LRRK2: variants seen among roughly 807,000 people sequenced by gnomAD.
The protein encoded by LRRK2 is leucine-rich repeat serine/threonine-protein kinase 2.
A neutral mutation model predicts 302.6 loss-of-function variants in LRRK2; 203 were observed. The observed-to-expected ratio is 0.67, with a 90% CI of 0.60 to 0.75. The LOEUF is 0.75. Among genes scored for constraint, LRRK2 ranks in the 30% least tolerant of loss-of-function variants. The pLI, the probability that LRRK2 is intolerant of heterozygous loss-of-function variation, is 0.00. For synonymous variants in LRRK2, 1,066 were observed against 1,031.9 expected (o/e 1.03, Z -0.63); for missense variants, 2,830 against 2,951.0 (o/e 0.96, Z 0.95).
rs1169553595 is a variant in LRRK2 at position 40,328,453 on chromosome 12, TAAGAC to T, written c.5754_5757+1del. 1 of 1,598,726 alleles carries T rather than the reference TAAGAC, an allele frequency of 6.3e-7. No homozygotes were observed. The highest frequency in any genetic ancestry group is 1.7e-5 in the Admixed American group (1 of 59,948). On this transcript the variant is annotated frameshift_variant and splice_region_variant, in exon 39 of 51. Coordinates refer to ENST00000298910, the MANE Select transcript of LRRK2 (RefSeq NM_198578.4). LOFTEE classifies it high-confidence loss of function. ...AATAAACATACATCACTCAGGCTGT[TAAGAC>T]AAGTAAGAAATTCAATAATATAATT...
At chr12:40,271,729 T>G (rs1481783252) in intron 14 of LRRK2, among the ~76,000 whole-genome samples, 2 of 152,104 alleles carry the variant, frequency 1.3e-5, no homozygotes, top group African/African-American at 4.8e-5. Context: ...TTTTTAAACA[T>G]TTACTTAGCT....
At chr12:40,245,155 C>A (rs1194849670) in intron 7 of LRRK2, among the ~76,000 whole-genome samples, 1 of 151,828 alleles carries the variant, frequency 6.6e-6, no homozygotes, top group Non-Finnish European at 1.5e-5. Flanking sequence ...TTAATCTGTC[C>A]TTTCCCTAAG....
chr12:40,335,978 C>T (rs770411446), intron 40 of LRRK2, among the ~76,000 whole-genome samples: 10 of 152,198 alleles, frequency 6.6e-5, no homozygotes, highest in Non-Finnish European at 1.0e-4. Flanking sequence ...CTCTCACTAA[C>T]GTCTAAATCT....
chr12:40,344,671 A>C (rs1946140140), intron 41 of LRRK2, among the ~76,000 whole-genome samples: 1 of 152,296 alleles, frequency 6.6e-6, no homozygotes, highest in East Asian at 1.9e-4. Flanking sequence ...TGATTTGTTT[A>C]CATTATGTCA....
intron 16 of LRRK2, among the ~76,000 whole-genome samples, chr12:40,276,762 A>G (rs1261212499): frequency 1.3e-5 from 2 of 152,198 alleles, no homozygotes; most frequent in Non-Finnish European, 2.9e-5. Context: ...TGCTTATCAA[A>G]TATTAGTATT....
chr12:40,356,262 T>C (rs2137015718), intron 46 of LRRK2, 75 bp downstream of exon 46: 3 of 1,050,902 alleles, frequency 2.9e-6, no homozygotes, highest in East Asian at 2.6e-5. Context: ...ACCCCTCTTA[T>C]GGGATTATAA....
At chr12:40,364,810 T>C in intron 48 of LRRK2, 32 bp from the exon 49 acceptor site, 1 of 1,504,256 alleles carries the variant, frequency 6.6e-7, no homozygotes, top group South Asian at 1.1e-5. Flanking sequence ...TAATTGGTGG[T>C]AAAATTATTA....
In LRRK2 at chr12:40,259,595, A is replaced by T; in HGVS notation, c.1534A>T (p.Ile512Leu). 1 of 1,613,194 alleles carries T rather than the reference A, an allele frequency of 6.2e-7. No individual in the cohort carries two copies. Residue 512 changes from isoleucine (I) to leucine (L), a missense_variant, in exon 13 of 51, where the codon ATA (isoleucine) becomes TTA (leucine). Ile to Leu is a conservative substitution (Grantham distance 5). Around this residue, in one of 3 missense-constraint regions of LRRK2, gnomAD observed 2,121 missense variants for 2,148.0 expected, o/e 0.99. Transcript: ENST00000298910. ...LEALRAILHF[I>L]VPGMPEESRE... ...GGCGCTTCGAGCTATTTTACATTTTATAGTGCCTGGTAAGTTACATAGTTG... is the reference window on the plus strand; with the variant it reads ...GGCGCTTCGAGCTATTTTACATTTTTTAGTGCCTGGTAAGTTACATAGTTG...
Position 40,293,681 on chromosome 12 carries a change from A to T in LRRK2, c.2808+18A>T, listed in dbSNP as rs1371890572. On this transcript the variant is annotated intron_variant, in intron 21 of 50. Coordinates refer to ENST00000298910, the MANE Select transcript of LRRK2 (RefSeq NM_198578.4). ...ATTCCTTGGTAAGTTAAATTGTGCAATTGTGATTATGTTGTGTTTTGCTGC... is the reference window on the plus strand; with the variant it reads ...ATTCCTTGGTAAGTTAAATTGTGCATTTGTGATTATGTTGTGTTTTGCTGC... 2 of 1,499,512 alleles carry T rather than the reference A, an allele frequency of 1.3e-6. No individual in the cohort carries two copies. Among genetic ancestry groups the T allele is most frequent in the Non-Finnish European group, 1.9e-6 (2 of 1,076,850 alleles). 92.9% of individuals were successfully genotyped at this position (1,499,512 alleles called of 1,614,324 possible).
chr12:40,336,435 A>G (rs920459689), intron 40 of LRRK2, among the ~76,000 whole-genome samples: 1 of 152,172 alleles, frequency 6.6e-6, no homozygotes, highest in Non-Finnish European at 1.5e-5. Context: ...GAATCTAAGT[A>G]CCATGAAAGA....
chr12:40,334,915 G>T, intron 39 of LRRK2, 52 bp from the exon 40 acceptor site: 1 of 1,592,686 alleles, frequency 6.3e-7, no homozygotes, highest in Non-Finnish European at 8.6e-7. Context: ...AAGGAGATAC[G>T]TGGGTAAAAC....
chr12:40,308,127 A>T (rs1944899195), intron 28 of LRRK2, among the ~76,000 whole-genome samples: 1 of 152,180 alleles, frequency 6.6e-6, no homozygotes, highest in African/African-American at 2.4e-5. Flanking sequence ...TAGAATATGT[A>T]TACATGTATG....
At chr12:40,362,649 A>C (rs1287903238) in intron 47 of LRRK2, among the ~76,000 whole-genome samples, 1 of 152,190 alleles carries the variant, frequency 6.6e-6, no homozygotes, top group Admixed American at 6.6e-5. Flanking sequence ...TTGATAGGTC[A>C]GGGAAGAAAT....
At chr12:40,253,815 CT>C (rs1287588142) in intron 11 of LRRK2, among the ~76,000 whole-genome samples, 1 of 152,206 alleles carries the variant, frequency 6.6e-6, no homozygotes, top group Non-Finnish European at 1.5e-5. Flanking sequence ...CCAGTGATCA[CT>C]TTCCTCCTCT....
intron 16 of LRRK2, 41 bp from the exon 17 acceptor site, chr12:40,277,847 T>C: frequency 6.6e-7 from 1 of 1,517,968 alleles, no homozygotes; most frequent in Non-Finnish European, 8.9e-7. Flanking sequence ...TCATTTTGCC[T>C]GTAATTGCTT....
intron 14 of LRRK2, among the ~76,000 whole-genome samples, chr12:40,268,575 A>G (rs555518584): frequency 3.9e-5 from 6 of 152,290 alleles, no homozygotes; most frequent in Non-Finnish European, 7.4e-5. Flanking sequence ...TTTAAAAATG[A>G]AAATTGATCT....
chr12:40,330,726 C>A (rs1945689320), intron 39 of LRRK2, among the ~76,000 whole-genome samples: 1 of 152,124 alleles, frequency 6.6e-6, no homozygotes. Flanking sequence ...TATCTAGTTA[C>A]TTATGATTCA....
At chr12:40,284,882 T>A (rs1943857911) in intron 19 of LRRK2, among the ~76,000 whole-genome samples, 1 of 152,146 alleles carries the variant, frequency 6.6e-6, no homozygotes, top group African/African-American at 2.4e-5. Context: ...ATTTTTATGA[T>A]GCACTCACTA....
intron 25 of LRRK2, chr12:40,301,140 A>C: frequency 4.4e-6 from 2 of 456,364 alleles, no homozygotes; most frequent in South Asian, 3.1e-5. Context: ...TGCACTACAC[A>C]ATCTTAATAG....
Sources: gnomAD v4.1 joint callset for allele counts (sites outside exome capture counted in the v4.1 genomes callset) on GRCh38, gnomAD v4.1.1 for gene constraint, gnomAD v4.1.1 regional missense constraint, MANE v1.5 for transcripts, NCBI Gene and HGNC (gene_info 2026-07-23, HGNC 2026-07-21) for gene names.